Variants in UTP20 observed in about 807,000 individuals in gnomAD.
UTP20 encodes UTP20 small subunit processome component, also known as small subunit processome component 20 homolog.
A neutral mutation model predicts 329.5 loss-of-function variants in UTP20; 164 were observed. The observed-to-expected ratio is 0.50, with a 90% CI of 0.44 to 0.57. The LOEUF is 0.57. Ranked by LOEUF, UTP20 falls within the 20% of genes least tolerant of loss-of-function variation. The pLI, the probability that UTP20 is intolerant of heterozygous loss-of-function variation, is 0.00. For missense variants in UTP20, 3,055 were observed against 3,284.2 expected (o/e 0.93, Z 1.71); for synonymous variants, 1,151 against 1,159.3 (o/e 0.99, Z 0.14).
intron 48 of UTP20, among the ~76,000 whole-genome samples, chr12:101,368,343 G>T (rs987555180): frequency 1.3e-5 from 2 of 152,004 alleles, no homozygotes; most frequent in South Asian, 4.2e-4. Flanking sequence ...TTGTTGGCCA[G>T]ACTGGTCTCG....
intron 56 of UTP20, 45 bp downstream of exon 56, chr12:101,375,801 T>C (rs1870451732): frequency 8.3e-7 from 1 of 1,211,766 alleles, no homozygotes; most frequent in Non-Finnish European, 1.2e-6. Context: ...TTTGTTGTCA[T>C]AGAATTACTG....
intron 2 of UTP20, 116 bp from the exon 3 acceptor site, chr12:101,285,454 A>C (rs941360023): frequency 1.5e-5 from 17 of 1,118,286 alleles, no homozygotes; most frequent in Non-Finnish European, 2.0e-5. Flanking sequence ...AACTAAAAGG[A>C]GTTCTTAAAC....
At position 101,280,242 on chromosome 12, in the gene UTP20, A is replaced by T. The variant is rs542444107; in HGVS notation, c.-41A>T. ...CCTTACTGTCGGTTGCATCCCTTCG[A>T]CACTCCCGAGGCCGTCGCGGGCCAC... On this transcript the variant is annotated 5_prime_UTR_variant, in exon 1 of 62. Coordinates refer to ENST00000261637, the MANE Select transcript of UTP20 (RefSeq NM_014503.3). 3.9e-6 allele frequency: 6 copies of T among 1,551,368 alleles called. No individual in the cohort carries two copies. The highest frequency in any genetic ancestry group is 5.2e-6 in the Non-Finnish European group (6 of 1,146,792).
chr12:101,335,043 A>G (rs1196172374), intron 29 of UTP20, among the ~76,000 whole-genome samples: 1 of 152,152 alleles, frequency 6.6e-6, no homozygotes, highest in Non-Finnish European at 1.5e-5. Context: ...GTTTGTGTCT[A>G]TGTGTATAAA....
chr12:101,314,688 A>C (rs1872910902), intron 21 of UTP20, among the ~76,000 whole-genome samples: 3 of 151,846 alleles, frequency 2.0e-5, no homozygotes, highest in African/African-American at 7.3e-5. Context: ...AGAAAGAGGA[A>C]AAGAAAAATG....
intron 57 of UTP20, among the ~76,000 whole-genome samples, chr12:101,380,385 A>G (rs1307241554): frequency 2.0e-5 from 3 of 148,042 alleles, no homozygotes; most frequent in African/African-American, 4.9e-5. Flanking sequence ...TCAAAAAAAC[A>G]AAAAGAAAGA....
At chr12:101,356,236 C>A (rs1202778362) in intron 41 of UTP20, among the ~76,000 whole-genome samples, 1 of 152,208 alleles carries the variant, frequency 6.6e-6, no homozygotes, top group African/African-American at 2.4e-5. Context: ...AAGCGATTCT[C>A]CTGCCTCAGC....
intron 2 of UTP20, among the ~76,000 whole-genome samples, chr12:101,282,424 T>C (rs534606104): frequency 1.3e-5 from 2 of 152,050 alleles, no homozygotes; most frequent in African/African-American, 2.4e-5. Context: ...TTCAAGAAAC[T>C]GCAAAGCAGT....
At position 101,315,245 on chromosome 12, in the gene UTP20, G is replaced by C. The variant is rs557311322; in HGVS notation, c.2553-2233G>C. On this transcript the variant is annotated intron_variant, in intron 21 of 61. Transcript: ENST00000261637. ...TCACACCTGTAATCCCAGCACTTTGGGGGGCCGAGGTGGGCAGATCATGAG... is the reference window on the plus strand; with the variant it reads ...TCACACCTGTAATCCCAGCACTTTGCGGGGCCGAGGTGGGCAGATCATGAG... Among the ~76,000 whole-genome samples the C allele has an allele frequency of 2.0e-5, 3 of 151,980 alleles. No individual in the cohort carries two copies. In the South Asian group the frequency reaches 6.3e-4, roughly 32 times the overall value.
intron 60 of UTP20, 132 bp from the exon 61 acceptor site, chr12:101,385,451 G>T (rs10745913): frequency 0.82 from 826,230 of 1,011,820 alleles, 336,682 homozygotes; most frequent in East Asian, 0.95. Context: ...TTGAAATTTT[G>T]TTTTGTTTTA....
chr12:101,379,411 G>A lies in UTP20; in HGVS notation c.7437G>A (p.Val2479=), dbSNP rs956386054. The change falls in exon 57 of 62, where the codon GTG becomes GTA. Residue 2479 remains valine (V), a synonymous_variant. Coordinates refer to ENST00000261637, the MANE Select transcript of UTP20 (RefSeq NM_014503.3). ...HSHLRHPHNW[V]WLTAAQIFGL... ...ACCTGAGACATCCACACAACTGGGT[G>A]TGGCTCACAGCAGCCCAGATTTTTG... 4 of 1,613,632 alleles carry A rather than the reference G, an allele frequency of 2.5e-6. No individual in the cohort carries two copies. The highest frequency in any genetic ancestry group is 2.5e-6 in the Non-Finnish European group (3 of 1,179,778).
intron 25 of UTP20, among the ~76,000 whole-genome samples, chr12:101,326,010 A>G (rs956313292): frequency 4.6e-5 from 7 of 152,220 alleles, no homozygotes; most frequent in African/African-American, 1.7e-4. Flanking sequence ...TAGTAAACGA[A>G]TATTTTCCAA....
intron 55 of UTP20, 83 bp downstream of exon 55, chr12:101,375,022 T>G: frequency 1.1e-6 from 1 of 936,526 alleles, no homozygotes; most frequent in South Asian, 1.6e-5. Context: ...GATATCAGCT[T>G]ATAGGTTAAA....
rs34248827 is a variant in UTP20 at position 101,291,540 on chromosome 12, C to CAA, written c.892-181_892-180dup. On this transcript the variant is annotated intron_variant, in intron 8 of 61. Coordinates refer to ENST00000261637, the MANE Select transcript of UTP20 (RefSeq NM_014503.3). ...GGGCAATAAGAGTGAAACTCCATCT[C>CAA]AAAAAAAAAAAAAAAAAAAAAAGAC... 281 of 76,044 alleles carry CAA rather than the reference C, an allele frequency of 3.7e-3. 1 individual carries two copies. Among genetic ancestry groups the CAA allele is most frequent in the South Asian group, 5.2e-3 (11 of 2,130 alleles). 4.7% of individuals were successfully genotyped at this position (76,044 alleles called of 1,614,324 possible).
At chr12:101,310,664 C>CT (rs909747070) in intron 19 of UTP20, among the ~76,000 whole-genome samples, 17 of 150,148 alleles carry the variant, frequency 1.1e-4, no homozygotes, top group African/African-American at 7.4e-5. Flanking sequence ...TACACACTCA[C>CT]TTTTTTTATC....
In UTP20 at chr12:101,373,771, T is replaced by C. The variant is rs754112818; in HGVS notation, c.7131+4T>C. ...CACTTGGTTTGGAGCAAAAAAGGTGTGCGTTGCTTTTAGTCACAGTTCAGT... is the reference window on the plus strand; with the variant it reads ...CACTTGGTTTGGAGCAAAAAAGGTGCGCGTTGCTTTTAGTCACAGTTCAGT... On this transcript the variant is annotated splice_donor_region_variant and intron_variant, in intron 54 of 61. Transcript: ENST00000261637. 1 of 1,607,326 alleles carries C rather than the reference T, an allele frequency of 6.2e-7. No individual in the cohort carries two copies. Among genetic ancestry groups the C allele is most frequent in the African/African-American group, 1.3e-5 (1 of 74,574 alleles).
chr12:101,363,712 A>T lies in UTP20; in HGVS notation c.5927A>T (p.Gln1976Leu). ...CTCGGCAAGTTTGTAGGAAAAGATC[A>T]GGTTACAAAACTCATCCTTCCATTA... ...EILGKFVGKD[Q>L]VTKLILPLKE... Residue 1976 changes from glutamine to leucine, a missense_variant, in exon 45 of 62, where the codon CAG (glutamine) becomes CTG (leucine). Gln to Leu is a moderately radical substitution (Grantham distance 113). Around this residue, in one of 3 missense-constraint regions of UTP20, gnomAD observed 2,445 missense variants for 2,575.5 expected, o/e 0.95. Transcript: ENST00000261637. 2 of 1,611,136 alleles carry T rather than the reference A, an allele frequency of 1.2e-6. No individual in the cohort carries two copies. The highest frequency in any genetic ancestry group is 1.3e-5 in the African/African-American group (1 of 75,010).
At position 101,374,938 on chromosome 12, in the gene UTP20, A is replaced by G; in HGVS notation, c.7262A>G (p.Asp2421Gly). 1 of 1,610,298 alleles carries G rather than the reference A, an allele frequency of 6.2e-7. No homozygotes were observed. The highest frequency in any genetic ancestry group is 8.5e-7 in the Non-Finnish European group (1 of 1,176,782). Residue 2421 changes from aspartate to glycine, a missense_variant and splice_region_variant, in exon 55 of 62, where the codon GAT becomes GGT. Physicochemically the swap from Asp to Gly is moderately conservative, Grantham distance 94. Around this residue, in one of 3 missense-constraint regions of UTP20, gnomAD observed 273 missense variants for 363.1 expected, o/e 0.75. Transcript: ENST00000261637. ...GAAATTGATCCTGAAAACTTTAAAG[A>G]TGTAAGTAATTTGCTAGGGAATAAA... ...EKEIDPENFK[D>G]IMEETEEKAA... is the part of the protein sequence containing the mutation.
intron 19 of UTP20, among the ~76,000 whole-genome samples, chr12:101,310,798 T>A (rs1011153057): frequency 1.3e-5 from 2 of 152,146 alleles, no homozygotes; most frequent in African/African-American, 4.8e-5. Context: ...AATTTGAAAC[T>A]AATTTGTCTA....
Sources: allele counts gnomAD v4.1 joint callset (sites outside exome capture counted in the v4.1 genomes callset), GRCh38; gene constraint gnomAD v4.1.1; regional missense constraint gnomAD v4.1.1; transcripts MANE v1.5; gene names NCBI Gene and HGNC (gene_info 2026-07-23, HGNC 2026-07-21).